LRRTM4: variants seen among roughly 807,000 people sequenced by gnomAD.
LRRTM4 encodes the protein leucine rich repeat transmembrane neuronal 4.
Under a neutral mutation model 47.6 loss-of-function variants are expected in LRRTM4, and 25 were observed. The observed-to-expected ratio is 0.53, with a 90% CI of 0.38 to 0.73. The LOEUF (loss-of-function observed/expected upper bound fraction) is 0.73. Ranked by LOEUF, LRRTM4 falls within the 30% of genes least tolerant of loss-of-function variation. LRRTM4 has a pLI of 0.00. For synonymous variants in LRRTM4, 311 were observed against 269.5 expected (o/e 1.15, Z -1.51); for missense variants, 638 against 713.4 (o/e 0.89, Z 1.20).
At chr2:77,089,348 A>C (rs1366049849) in intron 3 of LRRTM4, among the ~76,000 whole-genome samples, 1 of 150,580 alleles carries the variant, frequency 6.6e-6, no homozygotes, top group South Asian at 2.1e-4. Context: ...CAAGTACCCC[A>C]ACCTCATATC....
At chr2:76,963,467 A>G (rs1033245577) in intron 3 of LRRTM4, among the ~76,000 whole-genome samples, 1 of 150,998 alleles carries the variant, frequency 6.6e-6, no homozygotes, top group African/African-American at 2.4e-5. Context: ...GCAATACGTA[A>G]TATAAACACA....
chr2:76,793,558 C>T (rs543329459), intron 3 of LRRTM4, among the ~76,000 whole-genome samples: 89 of 151,620 alleles, frequency 5.9e-4, no homozygotes, highest in Middle Eastern at 6.8e-3. Flanking sequence ...ATATGAGAAG[C>T]CCCCTGGTAA....
chr2:76,770,024 G>A (rs893766612), intron 3 of LRRTM4, among the ~76,000 whole-genome samples: 4 of 152,158 alleles, frequency 2.6e-5, no homozygotes, highest in African/African-American at 9.7e-5. Flanking sequence ...GAGCAGGCCT[G>A]ACATTATTCT....
At chr2:77,076,362 T>C (rs531933127) in intron 3 of LRRTM4, among the ~76,000 whole-genome samples, 282 of 152,298 alleles carry the variant, frequency 1.9e-3, no homozygotes, top group Non-Finnish European at 2.9e-3. Context: ...TATCATCAAA[T>C]GAGTCCCTAA....
At chr2:76,902,828 A>C (rs1240734962) in intron 3 of LRRTM4, among the ~76,000 whole-genome samples, 1 of 152,168 alleles carries the variant, frequency 6.6e-6, no homozygotes, top group Admixed American at 6.6e-5. Flanking sequence ...CCAAATTGAT[A>C]GATTCCCCTG....
intron 3 of LRRTM4, among the ~76,000 whole-genome samples, chr2:77,029,071 AATAT>A (rs1194632782): frequency 2.2e-5 from 3 of 138,848 alleles, no homozygotes; most frequent in African/African-American, 7.9e-5. Context: ...ATATATATAT[AATAT>A]ATATATATTA....
At chr2:77,205,277 A>G (rs917443052) in intron 3 of LRRTM4, among the ~76,000 whole-genome samples, 19 of 152,188 alleles carry the variant, frequency 1.2e-4, no homozygotes, top group African/African-American at 4.6e-4. Context: ...AAGAAAGAAA[A>G]CAAATCAGAA....
chr2:76,895,149 G>A (rs1673371398), intron 3 of LRRTM4, among the ~76,000 whole-genome samples: 3 of 151,866 alleles, frequency 2.0e-5, no homozygotes, highest in Admixed American at 2.0e-4. Flanking sequence ...CACTGCATTT[G>A]CATTTCTATT....
intron 3 of LRRTM4, among the ~76,000 whole-genome samples, chr2:77,119,390 C>T (rs1301475188): frequency 6.6e-6 from 1 of 151,804 alleles, no homozygotes; most frequent in Non-Finnish European, 1.5e-5. Context: ...TAAGTTTCCT[C>T]ACATTGCAGT....
intron 3 of LRRTM4, among the ~76,000 whole-genome samples, chr2:77,086,126 T>C (rs996750824): frequency 1.3e-5 from 2 of 152,166 alleles, no homozygotes; most frequent in South Asian, 2.1e-4. Flanking sequence ...TTAATAATAA[T>C]TGAAAATAAT....
intron 3 of LRRTM4, among the ~76,000 whole-genome samples, chr2:77,262,760 A>G (rs1346644654): frequency 6.6e-6 from 1 of 152,010 alleles, no homozygotes; most frequent in Non-Finnish European, 1.5e-5. Flanking sequence ...GGGATATCAC[A>G]TCGTACCAAG....
intron 3 of LRRTM4, among the ~76,000 whole-genome samples, chr2:77,243,823 G>A (rs12997156): frequency 0.42 from 58,552 of 138,516 alleles, 14,517 homozygotes; most frequent in Non-Finnish European, 0.55. Flanking sequence ...ACATTGTGCA[G>A]GTTAGTTACA....
At chr2:76,826,231 C>T (rs1671186946) in intron 3 of LRRTM4, among the ~76,000 whole-genome samples, 1 of 151,312 alleles carries the variant, frequency 6.6e-6, no homozygotes, top group African/African-American at 2.4e-5. Flanking sequence ...TTTAATGAGA[C>T]AAAGAATTTA....
intron 3 of LRRTM4, among the ~76,000 whole-genome samples, chr2:76,935,901 G>A (rs1195156290): frequency 2.6e-5 from 4 of 152,084 alleles, no homozygotes; most frequent in Non-Finnish European, 4.4e-5. Flanking sequence ...GGTGAGAGAG[G>A]GCATTCTTTT....
At chr2:77,081,247 A>AACACACACACACACACAC in intron 3 of LRRTM4, among the ~76,000 whole-genome samples, 2 of 139,998 alleles carry the variant, frequency 1.4e-5, no homozygotes, top group South Asian at 2.4e-4. Flanking sequence ...ACCTGACAGC[A>AACACACACACACACACAC]ACACACACAC....
At chr2:76,802,254 T>C (rs1348051647) in intron 3 of LRRTM4, among the ~76,000 whole-genome samples, 1 of 148,272 alleles carries the variant, frequency 6.7e-6, no homozygotes. Flanking sequence ...AAAAAAACTG[T>C]TAGAATAAAT....
At chr2:77,490,131 T>A (rs1678079911) in intron 3 of LRRTM4, among the ~76,000 whole-genome samples, 1 of 152,058 alleles carries the variant, frequency 6.6e-6, no homozygotes, top group Non-Finnish European at 1.5e-5. Context: ...GTGCCTGTAA[T>A]TCCAGCTACT....
chr2:77,197,662 T>A (rs1573065939), intron 3 of LRRTM4, among the ~76,000 whole-genome samples: 1 of 152,186 alleles, frequency 6.6e-6, no homozygotes, highest in African/African-American at 2.4e-5. Flanking sequence ...GGGAGGCATA[T>A]TTTTATGATT....
chr2:77,254,441 T>C (rs1056992316), intron 3 of LRRTM4, among the ~76,000 whole-genome samples: 2 of 151,894 alleles, frequency 1.3e-5, no homozygotes, highest in South Asian at 4.1e-4. Context: ...TAGGGCATTC[T>C]CTAAACAGAA....
Sources: gnomAD v4.1 joint callset for allele counts (sites outside exome capture counted in the v4.1 genomes callset) on GRCh38, gnomAD v4.1.1 for gene constraint, MANE v1.5 for transcripts, NCBI Gene and HGNC (gene_info 2026-07-23, HGNC 2026-07-21) for gene names.